The following PDS5A variants were observed in gnomAD, a reference collection of about 807,000 sequenced individuals.
PDS5A encodes the protein PDS5 cohesin associated factor A.
In PDS5A, 42 loss-of-function variants were observed where a neutral mutation model predicts 167.1. The observed-to-expected ratio is 0.25, with a 90% CI of 0.20 to 0.33. PDS5A has a LOEUF of 0.33. PDS5A is among the 10% of genes least tolerant of loss of function. The pLI is 1.00. For synonymous variants in PDS5A, 553 were observed against 554.6 expected, an observed-to-expected ratio of 1.00 and a Z score of 0.04; for missense variants, 1,033 against 1,605.9, an observed-to-expected ratio of 0.64 and a Z score of 6.10.
chr4:39,962,970 AAAAAATAAT>A (rs1244501225), intron 2 of PDS5A, among the ~76,000 whole-genome samples: 4 of 146,946 alleles, frequency 2.7e-5, no homozygotes, highest in Non-Finnish European at 6.1e-5. Flanking sequence ...TCAAAAAAAC[AAAAAATAAT>A]AAAAATGGTT....
intron 32 of PDS5A, among the ~76,000 whole-genome samples, chr4:39,832,808 T>A (rs1327335983): frequency 6.6e-6 from 1 of 151,778 alleles, no homozygotes; most frequent in East Asian, 1.9e-4. Context: ...AAGTGAGCCA[T>A]GATGGTGCCA....
intron 3 of PDS5A, 43 bp from the exon 4 acceptor site, chr4:39,926,904 T>G: frequency 7.4e-7 from 1 of 1,346,230 alleles, no homozygotes; most frequent in Non-Finnish European, 9.8e-7. Flanking sequence ...CAAATACTTT[T>G]CTTTCACAAC....
chr4:39,858,898 T>A (rs1718756161), intron 26 of PDS5A, among the ~76,000 whole-genome samples: 1 of 152,190 alleles, frequency 6.6e-6, no homozygotes, highest in Non-Finnish European at 1.5e-5. Flanking sequence ...CAGTAAAAAA[T>A]TTTTATGAAC....
chr4:39,957,887 G>A (rs970151586), intron 2 of PDS5A, among the ~76,000 whole-genome samples: 3 of 152,024 alleles, frequency 2.0e-5, no homozygotes, highest in Non-Finnish European at 4.4e-5. Flanking sequence ...CGGGGGTGAT[G>A]GCTCACGCCT....
intron 2 of PDS5A, among the ~76,000 whole-genome samples, chr4:39,945,458 C>CAAAAAAAA (rs1210256217): frequency 9.0e-5 from 6 of 66,818 alleles, no homozygotes; most frequent in African/African-American, 3.2e-4. Flanking sequence ...GAGACTGCCT[C>CAAAAAAAA]AAAAAAAAAA....
At chr4:39,867,066 AT>A in intron 22 of PDS5A, 69 bp from the exon 23 acceptor site, 1 of 1,261,270 alleles carries the variant, frequency 7.9e-7, no homozygotes, top group East Asian at 2.5e-5. Context: ...AATTAATTTA[AT>A]TAGATTAATG....
At chr4:39,929,169 CTGAG>C (rs1406001735) in intron 2 of PDS5A, among the ~76,000 whole-genome samples, 1 of 152,090 alleles carries the variant, frequency 6.6e-6, no homozygotes, top group African/African-American at 2.4e-5. Context: ...ATGGTTAATA[CTGAG>C]TGTCAACTTG....
chr4:39,951,361 A>C (rs1728337807), intron 2 of PDS5A, among the ~76,000 whole-genome samples: 1 of 152,220 alleles, frequency 6.6e-6, no homozygotes, highest in Admixed American at 6.6e-5. Flanking sequence ...ACCATGTTTT[A>C]TGAATTCTAA....
At chr4:39,840,336 C>T (rs1035877660) in intron 31 of PDS5A, among the ~76,000 whole-genome samples, 5 of 152,144 alleles carry the variant, frequency 3.3e-5, no homozygotes, top group African/African-American at 9.7e-5. Context: ...TGGGCGGTAT[C>T]GTTTAAAGAT....
chr4:39,862,497 T>C (rs1719080528), intron 25 of PDS5A, among the ~76,000 whole-genome samples, 164 bp from the exon 26 acceptor site: 1 of 152,246 alleles, frequency 6.6e-6, no homozygotes. Flanking sequence ...TTTCTTTTTC[T>C]GGTACCTGGT....
intron 21 of PDS5A, among the ~76,000 whole-genome samples, chr4:39,871,297 A>G (rs1352868631): frequency 1.3e-5 from 2 of 152,364 alleles, no homozygotes; most frequent in East Asian, 1.9e-4. Context: ...GTTTATCACC[A>G]TAAAAAAAGA....
At chr4:39,878,200 A>C (rs1720631119) in intron 18 of PDS5A, among the ~76,000 whole-genome samples, 1 of 152,224 alleles carries the variant, frequency 6.6e-6, no homozygotes, top group Non-Finnish European at 1.5e-5. Flanking sequence ...CATTAAGTGT[A>C]GACACTGTCT....
rs148733010 is a variant in PDS5A at position 39,914,174 on chromosome 4, T to G, written c.877-448A>C. Among the ~76,000 whole-genome samples, 1,083 of 150,990 alleles carry G rather than the reference T, an allele frequency of 7.2e-3. 15 individuals are homozygous for G. Among genetic ancestry groups the G allele is most frequent in the African/African-American group, 0.024 (998 of 41,036 alleles). ...GATATACAAATTTGTTTTTTTTTTT[T>G]TTTTTTTGAGGAGTCTTGCACTGTT... On this transcript the variant is annotated intron_variant, in intron 8 of 32. Coordinates refer to ENST00000303538, the MANE Select transcript of PDS5A (RefSeq NM_001100399.2).
At chr4:39,929,678 G>T (rs932260430) in intron 2 of PDS5A, among the ~76,000 whole-genome samples, 1 of 148,386 alleles carries the variant, frequency 6.7e-6, no homozygotes, top group Non-Finnish European at 1.5e-5. Flanking sequence ...ACAATCTGTC[G>T]CCACTGTCAA....
chr4:39,876,840 A>G (rs577840979), intron 19 of PDS5A, among the ~76,000 whole-genome samples, 153 bp downstream of exon 19: 43 of 152,176 alleles, frequency 2.8e-4, no homozygotes, highest in Non-Finnish European at 5.4e-4. Context: ...GAAGCAAGGG[A>G]AAGACAAAGC....
chr4:39,940,722 C>T (rs981193301), intron 2 of PDS5A, among the ~76,000 whole-genome samples: 1 of 152,152 alleles, frequency 6.6e-6, no homozygotes, highest in Non-Finnish European at 1.5e-5. Flanking sequence ...AGCGCAGAGG[C>T]GCTCACTGCA....
chr4:39,877,769 T>C (rs1720586052), intron 18 of PDS5A, among the ~76,000 whole-genome samples: 1 of 152,066 alleles, frequency 6.6e-6, no homozygotes, highest in South Asian at 2.1e-4. Flanking sequence ...CATGCCCGGC[T>C]AAATTTTTTG....
chr4:39,871,465 C>A (rs976843882), intron 21 of PDS5A, among the ~76,000 whole-genome samples: 1 of 152,100 alleles, frequency 6.6e-6, no homozygotes, highest in Non-Finnish European at 1.5e-5. Flanking sequence ...TTGTCTGCTG[C>A]GTTCAAAAGT....
At position 39,920,013 on chromosome 4, in the gene PDS5A, TAGAG is replaced by T. The variant is rs552385567; in HGVS notation, c.735+302_735+305del. Among the ~76,000 whole-genome samples the T allele has an allele frequency of 3.1e-3, 453 of 148,304 alleles. 4 individuals are homozygous for T. Among genetic ancestry groups the T allele is most frequent in the African/African-American group, 0.01 (411 of 40,382 alleles). ...CAAAAGAAACAAAGAAAAAAATATA[TAGAG>T]AGAGACACAGAGACCCAAGGAAAAT... is the stretch of plus-strand genomic sequence containing the variant. On this transcript the variant is annotated intron_variant, in intron 7 of 32. Transcript: ENST00000303538.
Sources: allele counts gnomAD v4.1 joint callset (sites outside exome capture counted in the v4.1 genomes callset), GRCh38; gene constraint gnomAD v4.1.1; transcripts MANE v1.5; gene names NCBI Gene and HGNC (gene_info 2026-07-23, HGNC 2026-07-21).